IL2RA: variants seen among roughly 807,000 people sequenced by gnomAD.
IL2RA encodes interleukin 2 receptor subunit alpha, also known as interleukin-2 receptor subunit alpha.
Under a neutral mutation model 37.8 loss-of-function variants are expected in IL2RA, and 24 were observed. That is an observed-to-expected ratio of 0.63 (90% CI 0.46 to 0.89). The LOEUF is 0.89. Among genes scored for constraint, IL2RA ranks in the 40% least tolerant of loss-of-function variants. The pLI, the probability that IL2RA is intolerant of heterozygous loss-of-function variation, is 0.00. For synonymous variants in IL2RA, 125 were observed against 114.6 expected, an observed-to-expected ratio of 1.09 and a Z score of -0.58; for missense variants, 319 against 348.6, an observed-to-expected ratio of 0.92 and a Z score of 0.68.
rs1270538190 is a variant in IL2RA, at chr10:6,058,429, T to C, written c.64+3659A>G. Among the ~76,000 whole-genome samples, 1 of 152,226 alleles carries C rather than the reference T, an allele frequency of 6.6e-6. No homozygotes were observed. Among genetic ancestry groups the C allele is most frequent in the Non-Finnish European group, 1.5e-5 (1 of 68,032 alleles). ...GCTGTTTTAAGGAAAGTAGCAACTG[T>C]CTTATGAAGAGCTCCCAATGTTTAG... is the stretch of plus-strand genomic sequence containing the variant. On this transcript the variant is annotated intron_variant, in intron 1 of 7. Coordinates refer to ENST00000379959, the MANE Select transcript of IL2RA (RefSeq NM_000417.3). The surrounding 1 kb of genome is among the most constrained non-coding windows in gnomAD (Gnocchi z 4.2).
intron 7 of IL2RA, among the ~76,000 whole-genome samples, chr10:6,013,455 T>C (rs1839224838): frequency 6.6e-6 from 1 of 152,220 alleles, no homozygotes; most frequent in Non-Finnish European, 1.5e-5. Flanking sequence ...TCCCAGTTCT[T>C]ATTTGGCTCA....
intron 5 of IL2RA, 135 bp downstream of exon 5, chr10:6,019,735 G>C: frequency 1.1e-6 from 1 of 897,056 alleles, no homozygotes. Context: ...CCCTGTCCCT[G>C]CTCAGAGGGA....
intron 1 of IL2RA, among the ~76,000 whole-genome samples, chr10:6,030,118 C>A (rs1839552648): frequency 6.6e-6 from 1 of 152,088 alleles, no homozygotes. Context: ...CACAAGAAAT[C>A]TGAAAAAGAA....
In IL2RA at chr10:6,012,552, T is replaced by C. The variant is rs1839206790; in HGVS notation, c.*320A>G. On this transcript the variant is annotated 3_prime_UTR_variant, in exon 8 of 8. Transcript: ENST00000379959. The surrounding 1 kb of genome is among the most constrained non-coding windows in gnomAD (Gnocchi z 4.8). ...ATACTACATATAGGGTGGAGAGAGTTCCATACCATTCATGCTTTAATGAAC... is the reference window on the plus strand; with the variant it reads ...ATACTACATATAGGGTGGAGAGAGTCCCATACCATTCATGCTTTAATGAAC... 2.1e-6 allele frequency: 1 copy of C among 474,740 alleles called. No homozygotes were observed. The highest frequency in any genetic ancestry group is 3.9e-6 in the Non-Finnish European group (1 of 258,392). The allele number at this position is 474,740 out of a possible 1,614,324, so 29.4% of individuals were successfully genotyped here.
At chr10:6,052,647 C>A (rs540824013) in intron 1 of IL2RA, among the ~76,000 whole-genome samples, 20 of 152,172 alleles carry the variant, frequency 1.3e-4, no homozygotes, top group African/African-American at 4.6e-4. Context: ...ACGCGCCCCC[C>A]CTCACGCCTC....
Position 6,047,511 on chromosome 10 carries a change from T to G in IL2RA, c.64+14577A>C, listed in dbSNP as rs1209431273. Reference sequence around the variant, plus strand: ...TCACGTCAGCTGAGACGCAACACACTGCATGCCGAACACACAGGAGAGCTC... The same window carrying G: ...TCACGTCAGCTGAGACGCAACACACGGCATGCCGAACACACAGGAGAGCTC... On this transcript the variant is annotated intron_variant, in intron 1 of 7. Coordinates refer to ENST00000379959, the MANE Select transcript of IL2RA (RefSeq NM_000417.3). The surrounding 1 kb of genome is among the most constrained non-coding windows in gnomAD (Gnocchi z 5.0). Among the ~76,000 whole-genome samples the G allele has an allele frequency of 6.6e-6, 1 of 152,114 alleles. No individual in the cohort carries two copies. Among genetic ancestry groups the G allele is most frequent in the Non-Finnish European group, 1.5e-5 (1 of 68,022 alleles).
intron 1 of IL2RA, among the ~76,000 whole-genome samples, chr10:6,034,741 G>A (rs1839653075): frequency 6.6e-6 from 1 of 152,036 alleles, no homozygotes; most frequent in Admixed American, 6.5e-5. Flanking sequence ...TGTCTTTCCA[G>A]ACCCACTTCC....
rs534631121 is a variant in IL2RA at position 6,015,096 on chromosome 10, C to T, written c.795-2200G>A. Among the ~76,000 whole-genome samples the T allele has an allele frequency of 2.8e-4, 42 of 150,970 alleles. No individual in the cohort carries two copies. The highest frequency in any genetic ancestry group is 2.4e-4 in the Non-Finnish European group (16 of 67,704). On this transcript the variant is annotated intron_variant, in intron 7 of 7. Transcript: ENST00000379959. This position sits in a 1 kb window ranked among gnomAD's most constrained non-coding sequence, Gnocchi z 4.9. ...TTTTTCTTTCTTTTCTTTTTTCTTTCTTTCTTTTTTTTTTTAAACAGAGTC... is the reference window on the plus strand; with the variant it reads ...TTTTTCTTTCTTTTCTTTTTTCTTTTTTTCTTTTTTTTTTTAAACAGAGTC...
chr10:6,020,073 C>T lies in IL2RA; in HGVS notation c.584-132G>A. Reference sequence around the variant, plus strand: ...AGGAATCCTGGTGTGGGCACTTCGCCAGGGATGCCACCCCTCATGGTTCCA... The same window carrying T: ...AGGAATCCTGGTGTGGGCACTTCGCTAGGGATGCCACCCCTCATGGTTCCA... On this transcript the variant is annotated intron_variant, in intron 4 of 7. Coordinates refer to ENST00000379959, the MANE Select transcript of IL2RA (RefSeq NM_000417.3). This position sits in a 1 kb window ranked among gnomAD's most constrained non-coding sequence, Gnocchi z 5.6. The T allele has an allele frequency of 1.4e-6, 1 of 724,010 alleles. No homozygotes were observed. Among genetic ancestry groups the T allele is most frequent in the Non-Finnish European group, 2.5e-6 (1 of 406,704 alleles). The allele number at this position is 724,010 out of a possible 1,614,324, so 44.8% of individuals were successfully genotyped here. A position where few individuals can be genotyped will look rare whatever the true frequency, so the allele number is the denominator to read the frequency against.
In IL2RA at chr10:6,029,593, C is replaced by G. The variant is rs899751507; in HGVS notation, c.65-3568G>C. Among the ~76,000 whole-genome samples, 8 of 151,970 alleles carry G rather than the reference C, an allele frequency of 5.3e-5. No individual in the cohort carries two copies. Among genetic ancestry groups the G allele is most frequent in the African/African-American group, 1.9e-4 (8 of 41,350 alleles). On this transcript the variant is annotated intron_variant, in intron 1 of 7. Coordinates refer to ENST00000379959, the MANE Select transcript of IL2RA (RefSeq NM_000417.3). This position sits in a 1 kb window ranked among gnomAD's most constrained non-coding sequence, Gnocchi z 4.6. ...CAGTGGAGTAACATCGCCAGGTAGC[C>G]TAAAATATTTACTCTCTGGCCCTTT... is the stretch of plus-strand genomic sequence containing the variant.
At chr10:6,045,729 A>C (rs1421929424) in intron 1 of IL2RA, among the ~76,000 whole-genome samples, 3 of 152,176 alleles carry the variant, frequency 2.0e-5, no homozygotes, top group Non-Finnish European at 4.4e-5. Context: ...TCCCACCCAC[A>C]GTCTTTTCTG....
rs1266072112 is a variant in IL2RA, at chr10:6,018,295, G to A, written c.728-176C>T. 6.6e-6 allele frequency among the ~76,000 whole-genome samples: 1 copy of A among 152,150 alleles called. No individual in the cohort carries two copies. Among genetic ancestry groups the A allele is most frequent in the Non-Finnish European group, 1.5e-5 (1 of 68,018 alleles). On this transcript the variant is annotated intron_variant, in intron 6 of 7. Coordinates refer to ENST00000379959, the MANE Select transcript of IL2RA (RefSeq NM_000417.3). This position sits in a 1 kb window ranked among gnomAD's most constrained non-coding sequence, Gnocchi z 5.1. Reference sequence around the variant, plus strand: ...CCATGGGATTTCCTAGGAGTCTTGAGGAACAGGGCAGGGAGGACAGGGTGA... The same window carrying A: ...CCATGGGATTTCCTAGGAGTCTTGAAGAACAGGGCAGGGAGGACAGGGTGA...
At chr10:6,024,639 C>T (rs1050085597) in intron 2 of IL2RA, among the ~76,000 whole-genome samples, 1 of 149,008 alleles carries the variant, frequency 6.7e-6, no homozygotes, top group Non-Finnish European at 1.5e-5. Context: ...ATGTATGTTA[C>T]GTGTCTGTGT....
Position 6,058,710 on chromosome 10 carries a change from A to G in IL2RA, c.64+3378T>C, listed in dbSNP as rs1279101304. On this transcript the variant is annotated intron_variant, in intron 1 of 7. Transcript: ENST00000379959. This position sits in a 1 kb window ranked among gnomAD's most constrained non-coding sequence, Gnocchi z 4.2. ...TTATTTTTGAGTCTAGAGGATAAAG[A>G]TTTGATCACAGAATTCCTAGAATGA... Among the ~76,000 whole-genome samples the G allele has an allele frequency of 1.3e-5, 2 of 152,202 alleles. No homozygotes were observed. The highest frequency in any genetic ancestry group is 2.9e-5 in the Non-Finnish European group (2 of 68,036).
At chr10:6,043,652 A>G (rs868857736) in intron 1 of IL2RA, among the ~76,000 whole-genome samples, 4 of 152,246 alleles carry the variant, frequency 2.6e-5, no homozygotes, top group South Asian at 4.1e-4. Flanking sequence ...TGGCCAGGCT[A>G]GTCTTGAACT....
intron 1 of IL2RA, among the ~76,000 whole-genome samples, chr10:6,037,918 T>G (rs1448682916): frequency 6.6e-6 from 1 of 152,186 alleles, no homozygotes; most frequent in Non-Finnish European, 1.5e-5. Flanking sequence ...TCCAAAGATA[T>G]GCCTAATATT....
intron 2 of IL2RA, among the ~76,000 whole-genome samples, chr10:6,024,588 G>A (rs146110677): frequency 3.2e-4 from 48 of 152,202 alleles, no homozygotes; most frequent in Non-Finnish European, 5.0e-4. Context: ...GTGTGTATAC[G>A]TGTCTGTGCA....
chr10:6,029,726 A>G lies in IL2RA; in HGVS notation c.65-3701T>C, dbSNP rs1839546952. On this transcript the variant is annotated intron_variant, in intron 1 of 7. Transcript: ENST00000379959. The surrounding 1 kb of genome is among the most constrained non-coding windows in gnomAD (Gnocchi z 4.6). ...AAAACTTGTAATTTTTTTTTTTGAG[A>G]TGGAGTCTTGCTCTGTTGCCCAGGC... 6.6e-6 allele frequency among the ~76,000 whole-genome samples: 1 copy of G among 151,046 alleles called. No individual in the cohort carries two copies. Among genetic ancestry groups the G allele is most frequent in the African/African-American group, 2.4e-5 (1 of 41,078 alleles).
In IL2RA at chr10:6,018,540, A is replaced by C. The variant is rs1839318232; in HGVS notation, c.728-421T>G. 6.6e-6 allele frequency among the ~76,000 whole-genome samples: 1 copy of C among 152,134 alleles called. No homozygotes were observed. Among genetic ancestry groups the C allele is most frequent in the Non-Finnish European group, 1.5e-5 (1 of 68,008 alleles). On this transcript the variant is annotated intron_variant, in intron 6 of 7. Transcript: ENST00000379959. This position sits in a 1 kb window ranked among gnomAD's most constrained non-coding sequence, Gnocchi z 5.1. The stretch of plus-strand genomic sequence containing the variant: ...GGAGGCTGACATTTGTTTACTTTCT[A>C]GGCAGATGCAGACTCAGAGTCTGTT...
Sources: allele counts gnomAD v4.1 joint callset (sites outside exome capture counted in the v4.1 genomes callset), GRCh38; gene constraint gnomAD v4.1.1; non-coding constraint Gnocchi (gnomAD v3.1); transcripts MANE v1.5; gene names NCBI Gene and HGNC (gene_info 2026-07-23, HGNC 2026-07-21).